ERBIN: variants seen among roughly 807,000 people sequenced by gnomAD.
ERBIN encodes the protein erbb2 interacting protein.
A neutral mutation model predicts 158.4 loss-of-function variants in ERBIN; 60 were observed. The observed-to-expected ratio is 0.38, with a 90% CI of 0.31 to 0.47. The LOEUF is 0.47. Ranked by LOEUF, ERBIN falls within the 20% of genes least tolerant of loss-of-function variation. ERBIN has a pLI of 0.99. For synonymous variants in ERBIN, 594 were observed against 557.2 expected (o/e 1.07, Z -0.93); for missense variants, 1,610 against 1,648.0 (o/e 0.98, Z 0.40).
chr5:66,060,916 T>C (rs1760215047), intron 21 of ERBIN, among the ~76,000 whole-genome samples: 1 of 152,252 alleles, frequency 6.6e-6, no homozygotes, highest in African/African-American at 2.4e-5. Flanking sequence ...CAGTTTGTTA[T>C]AATTTCTGTT....
intron 4 of ERBIN, among the ~76,000 whole-genome samples, chr5:65,999,479 C>T (rs1167146856): frequency 2.0e-5 from 3 of 152,148 alleles, no homozygotes; most frequent in East Asian, 3.8e-4. Flanking sequence ...ACAGGGGAAT[C>T]GGAATAACCA....
intron 1 of ERBIN, among the ~76,000 whole-genome samples, chr5:65,950,444 A>C (rs745489960): frequency 6.6e-6 from 1 of 152,036 alleles, no homozygotes; most frequent in African/African-American, 2.4e-5. Flanking sequence ...TAGATTGTGG[A>C]TATTTAGAAA....
chr5:66,037,737 C>G (rs1222316038), intron 14 of ERBIN, among the ~76,000 whole-genome samples: 1 of 151,624 alleles, frequency 6.6e-6, no homozygotes, highest in African/African-American at 2.4e-5. Flanking sequence ...AGGTGAATAG[C>G]AAAAAGAATT....
Position 66,072,201 on chromosome 5 carries a change from T to G in ERBIN, c.3666T>G (p.Pro1222=), listed in dbSNP as rs1377901579. The part of the protein sequence containing the change: ...KHPQTSSSGD[P]CQDGIFISGQ... Reference sequence around the variant, plus strand: ...CCCAGACATCCAGTTCAGGAGATCCTTGTCAAGATGGTATATTCATTTCAG... The same window carrying G: ...CCCAGACATCCAGTTCAGGAGATCCGTGTCAAGATGGTATATTCATTTCAG... Residue 1222 remains proline (P), a synonymous_variant, in exon 22 of 26, where the codon CCT becomes CCG. Coordinates refer to ENST00000284037, the MANE Select transcript of ERBIN (RefSeq NM_001253697.2). The G allele has an allele frequency of 1.3e-6, 2 of 1,550,394 alleles. No homozygotes were observed. The highest frequency in any genetic ancestry group is 1.7e-6 in the Non-Finnish European group (2 of 1,146,836).
intron 12 of ERBIN, 37 bp downstream of exon 12, chr5:66,026,014 T>C (rs750122545): frequency 6.5e-7 from 1 of 1,530,536 alleles, no homozygotes; most frequent in South Asian, 1.3e-5. Flanking sequence ...TTTTGTCTTT[T>C]CATTTTTTTC....
intron 19 of ERBIN, among the ~76,000 whole-genome samples, chr5:66,050,041 G>T (rs1292078313): frequency 6.6e-6 from 1 of 152,060 alleles, no homozygotes; most frequent in Admixed American, 6.6e-5. Flanking sequence ...TATTAGAGTA[G>T]ATGGGAAAAA....
chr5:66,018,492 T>TATTATAA (rs1331154080), intron 7 of ERBIN, among the ~76,000 whole-genome samples: 4 of 8,384 alleles, frequency 4.8e-4, no homozygotes, highest in Non-Finnish European at 9.4e-4. Context: ...ATATATTATA[T>TATTATAA]TATATAATAT....
chr5:66,049,452 A>G (rs1437224614), intron 19 of ERBIN, among the ~76,000 whole-genome samples: 3 of 152,060 alleles, frequency 2.0e-5, no homozygotes, highest in African/African-American at 7.2e-5. Flanking sequence ...GATACCTAGA[A>G]TTTGTTGAGC....
chr5:65,960,122 G>T (rs1747748862), intron 1 of ERBIN, among the ~76,000 whole-genome samples: 1 of 152,212 alleles, frequency 6.6e-6, no homozygotes, highest in Non-Finnish European at 1.5e-5. Context: ...ACAAATTGCA[G>T]TATATTCATA....
intron 1 of ERBIN, among the ~76,000 whole-genome samples, chr5:65,955,482 T>C (rs557417994): frequency 2.6e-5 from 4 of 152,092 alleles, no homozygotes; most frequent in South Asian, 4.2e-4. Context: ...ATAGAAAAAT[T>C]AGCTGGGCAT....
At chr5:65,987,367 T>TACACACACACACACACACACACACACAC (rs56222591) in intron 1 of ERBIN, among the ~76,000 whole-genome samples, 9 of 135,798 alleles carry the variant, frequency 6.6e-5, no homozygotes, top group South Asian at 2.6e-4. Context: ...AGAGACTGTC[T>TACACACACACACACACACACACACACAC]ACACACACAC....
intron 1 of ERBIN, among the ~76,000 whole-genome samples, chr5:65,940,872 A>G (rs1561271915): frequency 6.6e-6 from 1 of 152,100 alleles, no homozygotes; most frequent in Non-Finnish European, 1.5e-5. Flanking sequence ...TGTGGAATAG[A>G]AAGGGGGGAA....
At chr5:65,959,363 GTATTAA>G (rs1034617770) in intron 1 of ERBIN, among the ~76,000 whole-genome samples, 2 of 152,038 alleles carry the variant, frequency 1.3e-5, no homozygotes, top group Non-Finnish European at 2.9e-5. Context: ...TTTGGAAGAA[GTATTAA>G]TATTTAGATT....
chr5:66,003,485 A>G (rs1280086359), intron 4 of ERBIN, among the ~76,000 whole-genome samples: 1 of 152,194 alleles, frequency 6.6e-6, no homozygotes, highest in Non-Finnish European at 1.5e-5. Flanking sequence ...AATGTTATCT[A>G]TAGAGAAGTT....
At chr5:66,024,733 A>T (rs1221992677) in intron 10 of ERBIN, among the ~76,000 whole-genome samples, 1 of 151,984 alleles carries the variant, frequency 6.6e-6, no homozygotes, top group Non-Finnish European at 1.5e-5. Context: ...TTTTATTGTC[A>T]TAGCTTTTAT....
chr5:66,044,460 G>A (rs1047996060), intron 17 of ERBIN, 150 bp downstream of exon 17: 2 of 729,300 alleles, frequency 2.7e-6, no homozygotes, highest in African/African-American at 1.8e-5. Context: ...TACATATGAT[G>A]GTGGTCCTAT....
At chr5:66,056,893 G>C (rs116804648) in intron 21 of ERBIN, among the ~76,000 whole-genome samples, 1,669 of 152,120 alleles carry the variant, frequency 0.011, 28 homozygotes, top group Middle Eastern at 0.065. Context: ...AAATACCAAA[G>C]TATATATCCT....
intron 14 of ERBIN, among the ~76,000 whole-genome samples, chr5:66,033,700 G>A (rs1757114741): frequency 6.6e-6 from 1 of 152,122 alleles, no homozygotes; most frequent in Admixed American, 6.6e-5. Context: ...TGGATGAGAA[G>A]GAAATGGAAT....
intron 15 of ERBIN, 96 bp downstream of exon 15, chr5:66,038,578 TGG>T: frequency 1.1e-6 from 1 of 869,898 alleles, no homozygotes; most frequent in East Asian, 2.7e-5. Flanking sequence ...ACCAGTTTGA[TGG>T]GACTTCAGAG....
Sources: allele counts gnomAD v4.1 joint callset (sites outside exome capture counted in the v4.1 genomes callset), GRCh38; gene constraint gnomAD v4.1.1; transcripts MANE v1.5; gene names NCBI Gene and HGNC (gene_info 2026-07-23, HGNC 2026-07-21).